Variants in SLC49A4 observed in about 807,000 individuals in gnomAD.
SLC49A4 encodes solute carrier family 49 member 4.
A neutral mutation model predicts 50.6 loss-of-function variants in SLC49A4; 36 were observed. The ratio of observed to expected loss-of-function variants is 0.71; its 90% CI spans 0.55 to 0.94. The LOEUF (loss-of-function observed/expected upper bound fraction) is 0.94, where lower values mean the gene tolerates loss of function less well. SLC49A4 is among the 40% of genes least tolerant of loss of function. The pLI is 0.00. For synonymous variants in SLC49A4, 248 were observed against 241.2 expected (o/e 1.03, Z -0.26); for missense variants, 503 against 605.7 (o/e 0.83, Z 1.78).
rs1434387550 is a variant in SLC49A4, at chr3:122,827,025, G to A, written c.663G>A (p.Arg221=). ...TSPLLAAESS[R]AHIKDRIEAV... ...CTCTTCTTGCTGCAGAGAGCAGCAG[G>A]GCGCATATTAAAGATCGCATAGAGG... Residue 221 remains arginine (R), a synonymous_variant, in exon 3 of 9, where the codon AGG becomes AGA. Coordinates refer to ENST00000261038, the MANE Select transcript of SLC49A4 (RefSeq NM_032839.3). 1.9e-6 allele frequency: 3 copies of A among 1,613,878 alleles called. No individual in the cohort carries two copies. Among genetic ancestry groups the A allele is most frequent in the African/African-American group, 2.7e-5 (2 of 75,016 alleles).
At position 122,833,314 on chromosome 3, in the gene SLC49A4, C is replaced by G; in HGVS notation, c.704-3C>G. The G allele has an allele frequency of 6.2e-7, 1 of 1,606,560 alleles. No homozygotes were observed. Among genetic ancestry groups the G allele is most frequent in the Non-Finnish European group, 8.5e-7 (1 of 1,177,332 alleles). Reference sequence around the variant, plus strand: ...TAACATTTTACCTATTTTTTTCTTTCAGAATTTGGAGTTGTCTGCTTAATA... The same window carrying G: ...TAACATTTTACCTATTTTTTTCTTTGAGAATTTGGAGTTGTCTGCTTAATA... On this transcript the variant is annotated splice_region_variant and splice_polypyrimidine_tract_variant and intron_variant, in intron 3 of 8. Coordinates refer to ENST00000261038, the MANE Select transcript of SLC49A4 (RefSeq NM_032839.3).
rs1012597368 is a variant in SLC49A4 at position 122,795,812 on chromosome 3, T to C, written c.343+277T>C. On this transcript the variant is annotated intron_variant, in intron 1 of 8. Transcript: ENST00000261038. ...TCTAAACGTTCAAGTTTTTACACAT[T>C]GTGAACATCAGAGCATCCCCGTGCA... Among the ~76,000 whole-genome samples, 28 of 152,218 alleles carry C rather than the reference T, an allele frequency of 1.8e-4. 1 individual carries two copies. The highest frequency in any genetic ancestry group is 6.3e-4 in the African/African-American group (26 of 41,458).
intron 4 of SLC49A4, among the ~76,000 whole-genome samples, chr3:122,844,440 G>T (rs956225671): frequency 6.6e-6 from 1 of 151,882 alleles, no homozygotes; most frequent in South Asian, 2.1e-4. Context: ...TAAACATTGA[G>T]AATTTTAAAC....
intron 7 of SLC49A4, among the ~76,000 whole-genome samples, chr3:122,865,464 C>CT (rs199747057): frequency 0.025 from 3,743 of 151,380 alleles, 140 homozygotes; most frequent in African/African-American, 0.082. Context: ...ACAGCAGTCA[C>CT]TTTTTTTTTA....
intron 2 of SLC49A4, among the ~76,000 whole-genome samples, chr3:122,822,228 G>A (rs1240892055): frequency 6.6e-6 from 1 of 152,132 alleles, no homozygotes; most frequent in South Asian, 2.1e-4. Flanking sequence ...TTTCTTTGTC[G>A]TTTTTAATAG....
chr3:122,806,769 C>A, intron 1 of SLC49A4, 88 bp from the exon 2 acceptor site: 5 of 759,504 alleles, frequency 6.6e-6, no homozygotes, highest in African/African-American at 1.8e-5. Context: ...CATATAATGT[C>A]AGTATGATTG....
At chr3:122,850,185 A>G (rs1481406019) in intron 5 of SLC49A4, among the ~76,000 whole-genome samples, 2 of 152,086 alleles carry the variant, frequency 1.3e-5, no homozygotes, top group East Asian at 3.9e-4. Flanking sequence ...TCCGTCAAAT[A>G]AATCTCTAGC....
Position 122,826,893 on chromosome 3 carries a change from TGAAAGGGCCACAGCC to T in SLC49A4, c.532_546del (p.Glu178_Ala182del). 2 of 1,614,208 alleles carry T rather than the reference TGAAAGGGCCACAGCC, an allele frequency of 1.2e-6. No homozygotes were observed. Among genetic ancestry groups the T allele is most frequent in the Non-Finnish European group, 1.7e-6 (2 of 1,180,030 alleles). ...TCTCTACGACGTGGTTTTCTGCAGA[TGAAAGGGCCACAGCC>T]ACAGCTATTGCATCAATGCTCAGTT... is the stretch of plus-strand genomic sequence containing the variant. On this transcript the variant is annotated inframe_deletion, in exon 3 of 9. Coordinates refer to ENST00000261038, the MANE Select transcript of SLC49A4 (RefSeq NM_032839.3).
In SLC49A4 at chr3:122,795,533, G is replaced by A. The variant is rs1305455722; in HGVS notation, c.341G>A (p.Arg114Lys). The A allele has an allele frequency of 2.5e-6, 4 of 1,591,298 alleles. No homozygotes were observed. The highest frequency in any genetic ancestry group is 3.4e-6 in the Non-Finnish European group (4 of 1,175,404). ...GCGTTCATGTGGCTCCTGGACAAGAGAGGTGAGGGGTCGCGGAGCGCCAGC... is the reference window on the plus strand; with the variant it reads ...GCGTTCATGTGGCTCCTGGACAAGAAAGGTGAGGGGTCGCGGAGCGCCAGC... Reference protein sequence around the residue: ...CFAFMWLLDKRGLRITVLLTS... With the variant: ...CFAFMWLLDKKGLRITVLLTS... Residue 114 changes from arginine (R) to lysine (K), a missense_variant and splice_region_variant, in exon 1 of 9, where the codon AGA becomes AAA. Arg to Lys is a conservative substitution (Grantham distance 26). Transcript: ENST00000261038.
At chr3:122,817,649 T>C (rs1936390214) in intron 2 of SLC49A4, among the ~76,000 whole-genome samples, 2 of 151,916 alleles carry the variant, frequency 1.3e-5, no homozygotes, top group Non-Finnish European at 2.9e-5. Flanking sequence ...CAGGCAATTG[T>C]GGCTCACTGC....
At chr3:122,809,356 T>G (rs1936266024) in intron 2 of SLC49A4, among the ~76,000 whole-genome samples, 1 of 152,152 alleles carries the variant, frequency 6.6e-6, no homozygotes, top group African/African-American at 2.4e-5. Flanking sequence ...CAGAGGTGTG[T>G]TTTTTCAAGC....
chr3:122,850,336 G>A (rs1303009968), intron 5 of SLC49A4, among the ~76,000 whole-genome samples: 1 of 152,136 alleles, frequency 6.6e-6, no homozygotes, highest in Non-Finnish European at 1.5e-5. Flanking sequence ...TAAGTAGAAC[G>A]ATGTCTTTTG....
At chr3:122,837,885 A>C (rs907479741) in intron 4 of SLC49A4, among the ~76,000 whole-genome samples, 1 of 152,238 alleles carries the variant, frequency 6.6e-6, no homozygotes, top group Admixed American at 6.5e-5. Flanking sequence ...ACCCCATCAA[A>C]AAGTGGGCAA....
chr3:122,879,415 A>T lies in SLC49A4; in HGVS notation c.*37A>T. Reference sequence around the variant, plus strand: ...TGAAGGAGTTTAAAAGGAGGCTGGAAATCAATACTGCACACTGCACATTTG... The same window carrying T: ...TGAAGGAGTTTAAAAGGAGGCTGGATATCAATACTGCACACTGCACATTTG... On this transcript the variant is annotated 3_prime_UTR_variant, in exon 9 of 9. Coordinates refer to ENST00000261038, the MANE Select transcript of SLC49A4 (RefSeq NM_032839.3). 1 of 1,467,894 alleles carries T rather than the reference A, an allele frequency of 6.8e-7. No individual in the cohort carries two copies. Among genetic ancestry groups the T allele is most frequent in the Non-Finnish European group, 9.5e-7 (1 of 1,048,354 alleles). 90.9% of individuals were successfully genotyped at this position (1,467,894 alleles called of 1,614,324 possible).
Position 122,845,887 on chromosome 3 carries a change from C to A in SLC49A4, c.942+16C>A. The stretch of plus-strand genomic sequence containing the variant: ...TGTCAGCCAAGTAAGTATTTTATTT[C>A]TTTATATGTTGTAGGTATTTTTGTT... On this transcript the variant is annotated intron_variant, in intron 5 of 8. Transcript: ENST00000261038. 3 of 1,551,858 alleles carry A rather than the reference C, an allele frequency of 1.9e-6. No homozygotes were observed. Among genetic ancestry groups the A allele is most frequent in the South Asian group, 1.2e-5 (1 of 85,288 alleles).
intron 7 of SLC49A4, among the ~76,000 whole-genome samples, chr3:122,871,099 CA>C (rs1024730301): frequency 5.3e-5 from 8 of 152,246 alleles, no homozygotes; most frequent in African/African-American, 1.9e-4. Flanking sequence ...AGTAATTGTG[CA>C]AATAATTTGG....
chr3:122,867,098 C>T (rs904131702), intron 7 of SLC49A4, among the ~76,000 whole-genome samples: 2 of 152,146 alleles, frequency 1.3e-5, no homozygotes, highest in African/African-American at 2.4e-5. Context: ...AAGGCTTAAG[C>T]TAAGTTTTCC....
intron 1 of SLC49A4, among the ~76,000 whole-genome samples, chr3:122,805,938 G>A (rs915447342): frequency 3.3e-5 from 5 of 152,018 alleles, no homozygotes; most frequent in African/African-American, 9.7e-5. Context: ...ACATTATTAA[G>A]CATTATTCTA....
rs116319062 is a variant in SLC49A4 at position 122,799,490 on chromosome 3, G to A, written c.343+3955G>A. ...TTTGTGACTGGAGTAGAGCCACTGAGGGGAACAGTGGTAGGAAATGAGGTC... is the reference window on the plus strand; with the variant it reads ...TTTGTGACTGGAGTAGAGCCACTGAAGGGAACAGTGGTAGGAAATGAGGTC... On this transcript the variant is annotated intron_variant, in intron 1 of 8. Transcript: ENST00000261038. Among the ~76,000 whole-genome samples the A allele has an allele frequency of 5.5e-3, 842 of 152,308 alleles. 10 individuals carry two copies. Among genetic ancestry groups the A allele is most frequent in the African/African-American group, 0.02 (814 of 41,564 alleles).
Sources: allele counts gnomAD v4.1 joint callset (sites outside exome capture counted in the v4.1 genomes callset), GRCh38; gene constraint gnomAD v4.1.1; transcripts MANE v1.5; gene names NCBI Gene and HGNC (gene_info 2026-07-23, HGNC 2026-07-21).